The following GNB5 variants were observed in gnomAD, a reference collection of about 807,000 sequenced individuals.
GNB5 encodes the protein guanine nucleotide-binding protein subunit beta-5.
GNB5 carries 37 observed loss-of-function variants against 55.3 expected under a neutral mutation model. That is an observed-to-expected ratio of 0.67 (90% CI 0.51 to 0.88). The LOEUF (loss-of-function observed/expected upper bound fraction) is 0.88, where lower values mean the gene tolerates loss of function less well. Among genes scored for constraint, GNB5 ranks in the 40% least tolerant of loss-of-function variants. The pLI, the probability that GNB5 is intolerant of heterozygous loss-of-function variation, is 0.00. For synonymous variants in GNB5, 219 were observed against 198.5 expected (o/e 1.10, Z -0.87); for missense variants, 476 against 515.3 (o/e 0.92, Z 0.74).
intron 10 of GNB5, among the ~76,000 whole-genome samples, chr15:52,126,435 A>C (rs374995282): frequency 2.0e-5 from 3 of 152,204 alleles, no homozygotes; most frequent in African/African-American, 7.2e-5. Context: ...ACTAATTCTC[A>C]GCTGTTTCCT....
chr15:52,147,063 T>C (rs2033992056), intron 6 of GNB5: 1 of 183,940 alleles, frequency 5.4e-6, no homozygotes, highest in African/African-American at 2.4e-5. Context: ...TTGCAACGTT[T>C]ATGGTTCTGC....
At chr15:52,131,307 A>G (rs1427810516) in intron 9 of GNB5, among the ~76,000 whole-genome samples, 1 of 152,234 alleles carries the variant, frequency 6.6e-6, no homozygotes, top group Non-Finnish European at 1.5e-5. Flanking sequence ...TTTACATCGC[A>G]TTTACACTTA....
At chr15:52,153,716 T>C (rs1190530395) in intron 4 of GNB5, among the ~76,000 whole-genome samples, 1 of 152,224 alleles carries the variant, frequency 6.6e-6, no homozygotes, top group Non-Finnish European at 1.5e-5. Context: ...GTTCATCATA[T>C]TGGTTACATA....
Position 52,135,682 on chromosome 15 carries a change from G to A in GNB5, c.702C>T (p.His234=), listed in dbSNP as rs769039392. ...VESGQLLQSF[H]GHGADVLCLD... ...AGCAGAGGACGTCAGCCCCATGTCCGTGGAAGCTCTGCAGCAGCTGCCCGC... is the reference window on the plus strand; with the variant it reads ...AGCAGAGGACGTCAGCCCCATGTCCATGGAAGCTCTGCAGCAGCTGCCCGC... Residue 234 remains histidine (H), a synonymous_variant, in exon 8 of 13, where the codon CAC becomes CAT. Coordinates refer to ENST00000261837, the MANE Select transcript of GNB5 (RefSeq NM_016194.4). The A allele has an allele frequency of 1.5e-5, 25 of 1,613,080 alleles. No homozygotes were observed. The highest frequency in any genetic ancestry group is 2.2e-5 in the South Asian group (2 of 90,988).
chr15:52,169,614 G>A (rs2141230778), intron 3 of GNB5, among the ~76,000 whole-genome samples: 1 of 150,396 alleles, frequency 6.6e-6, no homozygotes, highest in South Asian at 2.1e-4. Context: ...AAAGAAAAGA[G>A]GTAAAGAGGA....
intron 6 of GNB5, among the ~76,000 whole-genome samples, chr15:52,141,991 A>G (rs990286274): frequency 6.6e-6 from 1 of 152,250 alleles, no homozygotes; most frequent in East Asian, 1.9e-4. Context: ...TTTGTTGTTC[A>G]TGACAGGAAA....
intron 4 of GNB5, among the ~76,000 whole-genome samples, chr15:52,150,595 G>A (rs1187870178): frequency 6.6e-6 from 1 of 152,222 alleles, no homozygotes; most frequent in Non-Finnish European, 1.5e-5. Flanking sequence ...ACCCCTGTGG[G>A]CAGCCAATCA....
chr15:52,179,991 C>T, intron 2 of GNB5, 112 bp from the exon 3 acceptor site: 2 of 1,284,140 alleles, frequency 1.6e-6, no homozygotes, highest in Non-Finnish European at 2.0e-6. Flanking sequence ...CGCGGCCCCG[C>T]CCTCCGCGAT....
chr15:52,178,705 T>A (rs1596108306), intron 3 of GNB5, among the ~76,000 whole-genome samples: 1 of 152,172 alleles, frequency 6.6e-6, no homozygotes, highest in African/African-American at 2.4e-5. Context: ...AGAAGACCCC[T>A]AGGAAAGCAC....
rs566360011 is a variant in GNB5, at chr15:52,185,146, G to C, written c.-18-452C>G. ...AGCCAGGGGCCTGAGTAAGTGTGGTGTGGGTTCCGTGCAAGGCAAGCACTC... is the reference window on the plus strand; with the variant it reads ...AGCCAGGGGCCTGAGTAAGTGTGGTCTGGGTTCCGTGCAAGGCAAGCACTC... On this transcript the variant is annotated intron_variant, in intron 1 of 12. Transcript: ENST00000261837. 1.2e-4 allele frequency among the ~76,000 whole-genome samples: 18 copies of C among 152,392 alleles called. No individual in the cohort carries two copies. In the South Asian group the frequency reaches 3.3e-3, roughly 28 times the overall value.
chr15:52,164,308 T>TTAAAA (rs1413717978), intron 3 of GNB5, among the ~76,000 whole-genome samples: 4 of 50,420 alleles, frequency 7.9e-5, no homozygotes, highest in African/African-American at 1.4e-4. Context: ...GACTCTGTCT[T>TTAAAA]AAAAAAAAAA....
At chr15:52,131,799 T>C (rs1490632548) in intron 9 of GNB5, among the ~76,000 whole-genome samples, 1 of 152,234 alleles carries the variant, frequency 6.6e-6, no homozygotes, top group Admixed American at 6.5e-5. Context: ...ATGAAGATTC[T>C]TGGGAGTTCT....
chr15:52,185,852 C>A (rs1214459541), intron 1 of GNB5, among the ~76,000 whole-genome samples: 1 of 151,288 alleles, frequency 6.6e-6, no homozygotes. Context: ...AATCTTGGCT[C>A]ACTGCAACCT....
rs1467975125 is a variant in GNB5, at chr15:52,118,800, C to T, written c.*3957G>A. 6.3e-5 allele frequency: 9 copies of T among 142,294 alleles called. No homozygotes were observed. The East Asian group carries it at 1.1e-3, about 17-fold the overall frequency. 8.8% of individuals were successfully genotyped at this position (142,294 alleles called of 1,614,324 possible). A position where few individuals can be genotyped will look rare whatever the true frequency, so the allele number is the denominator to read the frequency against. ...AGGAGAATCGCTTGAACCCAGGAGGCGGAGGTTGAAGTGAGCCCGAGATCG... is the reference window on the plus strand; with the variant it reads ...AGGAGAATCGCTTGAACCCAGGAGGTGGAGGTTGAAGTGAGCCCGAGATCG... On this transcript the variant is annotated 3_prime_UTR_variant, in exon 13 of 13. Transcript: ENST00000261837.
intron 3 of GNB5, among the ~76,000 whole-genome samples, chr15:52,163,095 G>C (rs759470242): frequency 1.3e-5 from 2 of 152,116 alleles, no homozygotes; most frequent in Non-Finnish European, 1.5e-5. Flanking sequence ...GGGGAGCCCC[G>C]ACCACCGGCC....
In GNB5 at chr15:52,140,073, G is replaced by A. The variant is rs76726496; in HGVS notation, c.627+1067C>T. ...TCCTGGTTAGGCTCAAATAATAGGT[G>A]TAAACAACAGGGGCACAATGGTGAC... On this transcript the variant is annotated intron_variant, in intron 7 of 12. Transcript: ENST00000261837. 2.5e-3 allele frequency: 1,757 copies of A among 707,734 alleles called. 46 individuals carry two copies. In the Admixed American group the frequency reaches 0.03, roughly 12 times the overall value. The allele number at this position is 707,734 out of a possible 1,614,324, so 43.8% of individuals were successfully genotyped here.
chr15:52,134,987 C>T (rs1250825156), intron 8 of GNB5, among the ~76,000 whole-genome samples: 1 of 152,032 alleles, frequency 6.6e-6, no homozygotes. Context: ...GCGGATGCGA[C>T]TTACAGTCAG....
intron 1 of GNB5, among the ~76,000 whole-genome samples, chr15:52,185,704 G>T (rs1346093070): frequency 1.3e-5 from 2 of 151,670 alleles, no homozygotes; most frequent in Admixed American, 6.6e-5. Flanking sequence ...TCATGAAAAT[G>T]AGACAGCAAT....
At chr15:52,134,792 G>A (rs1476688020) in intron 8 of GNB5, among the ~76,000 whole-genome samples, 1 of 152,108 alleles carries the variant, frequency 6.6e-6, no homozygotes, top group Non-Finnish European at 1.5e-5. Context: ...ACTGCCTCCT[G>A]ACGGAGGTGA....
Sources: gnomAD v4.1 joint callset for allele counts (sites outside exome capture counted in the v4.1 genomes callset) on GRCh38, gnomAD v4.1.1 for gene constraint, MANE v1.5 for transcripts, NCBI Gene and HGNC (gene_info 2026-07-23, HGNC 2026-07-21) for gene names.